The following NAA25 variants were observed in gnomAD, a reference collection of about 807,000 sequenced individuals.
NAA25 encodes the protein N-terminal acetyltransferase B complex subunit NAA25.
NAA25 carries 30 observed loss-of-function variants against 132.5 expected under a neutral mutation model. The ratio of observed to expected loss-of-function variants is 0.23; its 90% CI spans 0.17 to 0.31. The LOEUF (loss-of-function observed/expected upper bound fraction) is 0.31, where lower values mean the gene tolerates loss of function less well. Among genes scored for constraint, NAA25 ranks in the 10% least tolerant of loss-of-function variants. NAA25 has a pLI of 1.00. For missense variants in NAA25, 771 were observed against 1,150.4 expected (o/e 0.67, Z 4.77); for synonymous variants, 359 against 401.9 (o/e 0.89, Z 1.28).
intron 17 of NAA25, among the ~76,000 whole-genome samples, chr12:112,045,862 T>C (rs1048003490): frequency 2.0e-5 from 3 of 152,114 alleles, no homozygotes; most frequent in African/African-American, 7.2e-5. Context: ...GGTTACAGTA[T>C]GCAACAGAGG....
At chr12:112,053,785 C>T (rs7969573) in intron 14 of NAA25, 128 bp from the exon 15 acceptor site, 1 of 423,258 alleles carries the variant, frequency 2.4e-6, no homozygotes, top group African/African-American at 2.1e-5. Flanking sequence ...CTAAAACATA[C>T]TCCCACAGAA....
chr12:112,072,552 T>A (rs769475334), intron 9 of NAA25, among the ~76,000 whole-genome samples: 1 of 147,424 alleles, frequency 6.8e-6, no homozygotes, highest in African/African-American at 2.5e-5. Flanking sequence ...GAGGTTGCAG[T>A]GAGCTGAGAT....
chr12:112,047,694 A>G lies in NAA25; in HGVS notation c.1977T>C (p.Asn659=). 1 of 1,613,860 alleles carries G rather than the reference A, an allele frequency of 6.2e-7. No individual in the cohort carries two copies. Among genetic ancestry groups the G allele is most frequent in the Non-Finnish European group, 8.5e-7 (1 of 1,179,948 alleles). Residue 659 remains asparagine, a synonymous_variant, in exon 17 of 24, where the codon AAT becomes AAC. Transcript: ENST00000261745. Reference sequence around the variant, plus strand: ...CTTTTGGATCCCAGCTGAAAAAAACATTTAAGTCTCTGTTGTCTCGCAAAT... The same window carrying G: ...CTTTTGGATCCCAGCTGAAAAAAACGTTTAAGTCTCTGTTGTCTCGCAAAT... The part of the protein sequence containing the change: ...WEDLRDNRDL[N]VFFSWDPKDR...
At position 112,060,578 on chromosome 12, in the gene NAA25, G is replaced by C. The variant is rs2078613378; in HGVS notation, c.1358-219C>G. ...CTGGAACAGAAGGTAGGGTTCCAGA[G>C]CAGAGGTGGTATCCATGATGGTCCC... On this transcript the variant is annotated intron_variant, in intron 12 of 23. Coordinates refer to ENST00000261745, the MANE Select transcript of NAA25 (RefSeq NM_024953.4). Among the ~76,000 whole-genome samples the C allele has an allele frequency of 2.0e-5, 3 of 152,330 alleles. No homozygotes were observed. The South Asian group carries it at 6.2e-4, about 32-fold the overall frequency.
intron 5 of NAA25, 104 bp downstream of exon 5, chr12:112,080,956 A>AC (rs2136908174): frequency 2.1e-6 from 2 of 938,580 alleles, no homozygotes; most frequent in South Asian, 2.7e-5. Flanking sequence ...TGACAGCGTG[A>AC]CCCTGTCTCA....
At position 112,060,312 on chromosome 12, in the gene NAA25, GA is replaced by G; in HGVS notation, c.1404del (p.Leu469SerfsTer24). The G allele has an allele frequency of 6.2e-7, 1 of 1,613,616 alleles. No homozygotes were observed. The highest frequency in any genetic ancestry group is 8.5e-7 in the Non-Finnish European group (1 of 1,179,644). On this transcript the variant is annotated frameshift_variant, in exon 13 of 24. Coordinates refer to ENST00000261745, the MANE Select transcript of NAA25 (RefSeq NM_024953.4). LOFTEE classifies it high-confidence loss of function. ...TCAATAAGCGCATGGACAGCAAGGA[GA>G]CAGTAATAGTCAGAAAATTGCAATT... ...KTELQFSDYY[C>X]LLAVHALIDV...
chr12:112,040,563 C>A lies in NAA25; in HGVS notation c.2456G>T (p.Cys819Phe). 1 of 1,592,812 alleles carries A rather than the reference C, an allele frequency of 6.3e-7. No homozygotes were observed. The highest frequency in any genetic ancestry group is 8.6e-7 in the Non-Finnish European group (1 of 1,166,038). The change falls in exon 21 of 24, where the codon TGT becomes TTT. Residue 819 changes from cysteine to phenylalanine, a missense_variant. Transcript: ENST00000261745. ...TTTAACTTCTAAGAGGTCACCTTTA[C>A]ATTTACTGAAGACATCTGAAAACAA... Reference protein sequence around the residue: ...LDQLKDVFSKCKGDLLEVKDG... With the variant: ...LDQLKDVFSKFKGDLLEVKDG...
chr12:112,075,343 C>T (rs1236691583), intron 8 of NAA25, among the ~76,000 whole-genome samples: 3 of 152,108 alleles, frequency 2.0e-5, no homozygotes, highest in Non-Finnish European at 4.4e-5. Context: ...CACGCACCAC[C>T]ACAACTAGCT....
intron 1 of NAA25, among the ~76,000 whole-genome samples, chr12:112,102,463 A>G (rs1377664016): frequency 6.6e-6 from 1 of 152,048 alleles, no homozygotes; most frequent in African/African-American, 2.4e-5. Flanking sequence ...TTCATCTAAG[A>G]ATATTTTTGT....
At chr12:112,081,035 A>C (rs1426196562) in intron 5 of NAA25, 25 bp downstream of exon 5, 1 of 1,579,708 alleles carries the variant, frequency 6.3e-7, no homozygotes, top group Non-Finnish European at 8.7e-7. Flanking sequence ...CCAAACCTCA[A>C]TCCCATTCTG....
At chr12:112,061,498 A>C (rs1448598768) in intron 11 of NAA25, 110 bp from the exon 12 acceptor site, 20 of 866,348 alleles carry the variant, frequency 2.3e-5, no homozygotes, top group East Asian at 1.6e-4. Context: ...GAAAAAAAAA[A>C]CTAAAATTCC....
intron 2 of NAA25, among the ~76,000 whole-genome samples, chr12:112,092,122 TC>T (rs2079140215): frequency 6.6e-6 from 1 of 151,776 alleles, no homozygotes; most frequent in African/African-American, 2.4e-5. Flanking sequence ...GCGCCTGTAG[TC>T]CCAGCTACTC....
At chr12:112,089,404 C>G (rs1412997539) in intron 3 of NAA25, among the ~76,000 whole-genome samples, 2 of 152,138 alleles carry the variant, frequency 1.3e-5, no homozygotes. Context: ...TTGCTTTAAG[C>G]TAAACATACA....
chr12:112,059,271 T>C (rs1401332675), intron 13 of NAA25, among the ~76,000 whole-genome samples: 1 of 151,836 alleles, frequency 6.6e-6, no homozygotes, highest in Admixed American at 6.6e-5. Flanking sequence ...AGACTCCATC[T>C]CAAAAAAAAC....
chr12:112,063,569 G>A (rs1390409188), intron 11 of NAA25, among the ~76,000 whole-genome samples: 1 of 152,152 alleles, frequency 6.6e-6, no homozygotes, highest in Non-Finnish European at 1.5e-5. Flanking sequence ...TAAACAGATA[G>A]TAGCAAACAG....
chr12:112,108,515 C>T (rs1186841505), intron 1 of NAA25, among the ~76,000 whole-genome samples: 2 of 152,042 alleles, frequency 1.3e-5, no homozygotes, highest in East Asian at 3.9e-4. Flanking sequence ...CCAGACCGCG[C>T]CACTACCACC....
Position 112,029,618 on chromosome 12 carries a change from C to T in NAA25, c.2832G>A (p.Lys944=), listed in dbSNP as rs1280884798. The change falls in exon 24 of 24, where the codon AAG becomes AAA. Residue 944 remains lysine, a synonymous_variant. Transcript: ENST00000261745. The part of the protein sequence containing the change: ...ERKFSKTVQG[K]VQSSYLHSLL... ...GTGAGTGCAGATAACTGCTCTGCAC[C>T]TTCCCTTGCACAGTCTTTGAAAATT... The T allele has an allele frequency of 2.5e-6, 4 of 1,613,772 alleles. No homozygotes were observed. Among genetic ancestry groups the T allele is most frequent in the African/African-American group, 1.3e-5 (1 of 74,888 alleles).
Position 112,108,703 on chromosome 12 carries a change from C to G in NAA25, c.58+13G>C. On this transcript the variant is annotated intron_variant, in intron 1 of 23. Transcript: ENST00000261745. ...GCGTCGGGCTGGCGAGCGGGCTGGT[C>G]CAAGACACTCACCGTAAATGGGCCG... The G allele has an allele frequency of 6.6e-7, 1 of 1,518,414 alleles. No individual in the cohort carries two copies. The highest frequency in any genetic ancestry group is 8.8e-7 in the Non-Finnish European group (1 of 1,130,894). 94.1% of individuals were successfully genotyped at this position (1,518,414 alleles called of 1,614,324 possible).
At chr12:112,072,951 A>T (rs1294608534) in intron 9 of NAA25, among the ~76,000 whole-genome samples, 1 of 151,892 alleles carries the variant, frequency 6.6e-6, no homozygotes, top group Non-Finnish European at 1.5e-5. Context: ...AAAGAAAAAA[A>T]GGCCAGGCAC....
Sources: allele counts gnomAD v4.1 joint callset (sites outside exome capture counted in the v4.1 genomes callset), GRCh38; gene constraint gnomAD v4.1.1; transcripts MANE v1.5; gene names NCBI Gene and HGNC (gene_info 2026-07-23, HGNC 2026-07-21).